Variants in MIB1 observed in about 807,000 individuals in gnomAD.
The protein encoded by MIB1 is MIB E3 ubiquitin protein ligase 1.
In MIB1, 278 loss-of-function variants were observed where a neutral mutation model predicts 124.5. That is an observed-to-expected ratio of 2.23 (90% CI 2.02 to 2.47). The LOEUF (loss-of-function observed/expected upper bound fraction) is 2.47, where lower values mean the gene tolerates loss of function less well. MIB1 is among the 30% of genes most tolerant of loss of function. MIB1 has a pLI of 0.00. For missense variants in MIB1, 957 were observed against 1,254.4 expected, an observed-to-expected ratio of 0.76 and a Z score of 3.58; for synonymous variants, 446 against 429.4, an observed-to-expected ratio of 1.04 and a Z score of -0.48.
intron 13 of MIB1, among the ~76,000 whole-genome samples, chr18:21,842,241 A>T (rs982881487): frequency 6.6e-6 from 1 of 151,626 alleles, no homozygotes; most frequent in East Asian, 1.9e-4. Context: ...AGCTCTGCAT[A>T]CCCCGCCAGT....
chr18:21,804,042 T>TAAAG, intron 10 of MIB1, 28 bp downstream of exon 10: 2 of 1,448,068 alleles, frequency 1.4e-6, no homozygotes, highest in Non-Finnish European at 1.9e-6. Context: ...ATATTTTAAG[T>TAAAG]AAACATTTAT....
chr18:21,709,045 G>T (rs550785703), intron 1 of MIB1, among the ~76,000 whole-genome samples: 1 of 151,934 alleles, frequency 6.6e-6, no homozygotes, highest in South Asian at 2.1e-4. Context: ...GGCCGGGCGC[G>T]GTGGCTCACG....
intron 20 of MIB1, among the ~76,000 whole-genome samples, chr18:21,862,553 C>G (rs2042285234): frequency 6.6e-6 from 1 of 152,134 alleles, no homozygotes; most frequent in Admixed American, 6.5e-5. Flanking sequence ...CTTTTACATT[C>G]TTTCAAGTTC....
At chr18:21,748,730 C>CTTTTTT (rs557338460) in intron 1 of MIB1, among the ~76,000 whole-genome samples, 6 of 107,114 alleles carry the variant, frequency 5.6e-5, no homozygotes, top group Admixed American at 1.0e-4. Flanking sequence ...CATGCCCAGC[C>CTTTTTT]TTTTTTTTTT....
chr18:21,849,183 T>C lies in MIB1; in HGVS notation c.2394-13T>C. ...ATAAGATAGGCTTGATTTGAAATAC[T>C]TTCTTTTATTAGTGGTCAAGTGGGT... is the stretch of plus-strand genomic sequence containing the variant. On this transcript the variant is annotated splice_polypyrimidine_tract_variant and intron_variant, in intron 16 of 20. Coordinates refer to ENST00000261537, the MANE Select transcript of MIB1 (RefSeq NM_020774.4). The C allele has an allele frequency of 6.7e-7, 1 of 1,495,264 alleles. No homozygotes were observed. Among genetic ancestry groups the C allele is most frequent in the East Asian group, 2.4e-5 (1 of 41,860 alleles). 92.6% of individuals were successfully genotyped at this position (1,495,264 alleles called of 1,614,324 possible). A position where few individuals can be genotyped will look rare whatever the true frequency, so the allele number is the denominator to read the frequency against.
intron 1 of MIB1, among the ~76,000 whole-genome samples, chr18:21,764,330 C>T (rs2041132050): frequency 6.6e-6 from 1 of 152,060 alleles, no homozygotes. Flanking sequence ...AGGCATACCA[C>T]TCAGGTTTGG....
At chr18:21,815,203 C>G (rs1368379391) in intron 10 of MIB1, among the ~76,000 whole-genome samples, 1 of 151,344 alleles carries the variant, frequency 6.6e-6, no homozygotes, top group Admixed American at 6.6e-5. Context: ...GGGTCTCACT[C>G]TGTTGCCCCG....
intron 8 of MIB1, among the ~76,000 whole-genome samples, chr18:21,799,242 A>G (rs1053642217): frequency 2.6e-5 from 4 of 152,178 alleles, no homozygotes; most frequent in East Asian, 1.9e-4. Context: ...TTAGAAAAAA[A>G]TATCTTATGA....
At chr18:21,764,874 G>A (rs894049159) in intron 1 of MIB1, among the ~76,000 whole-genome samples, 3 of 152,170 alleles carry the variant, frequency 2.0e-5, no homozygotes, top group African/African-American at 7.2e-5. Context: ...CTTTTGGACA[G>A]ATAATACAGC....
intron 7 of MIB1, among the ~76,000 whole-genome samples, chr18:21,792,667 A>T (rs2041520504): frequency 1.3e-5 from 2 of 152,248 alleles, no homozygotes; most frequent in Admixed American, 6.5e-5. Flanking sequence ...GACACTTCAC[A>T]GTTTGTAGCT....
chr18:21,806,799 A>G (rs1490742774), intron 10 of MIB1, among the ~76,000 whole-genome samples: 1 of 151,292 alleles, frequency 6.6e-6, no homozygotes, highest in Non-Finnish European at 1.5e-5. Context: ...AATTTTTTGT[A>G]TTTTTAGTAG....
chr18:21,857,382 T>A (rs2042238968), intron 19 of MIB1, 139 bp downstream of exon 19: 5 of 620,878 alleles, frequency 8.1e-6, no homozygotes, highest in South Asian at 2.0e-5. Flanking sequence ...CAGGTATTGT[T>A]TTCTGGTGCT....
At chr18:21,732,300 C>T (rs774355489) in intron 1 of MIB1, among the ~76,000 whole-genome samples, 2 of 150,474 alleles carry the variant, frequency 1.3e-5, no homozygotes, top group Non-Finnish European at 3.0e-5. Context: ...TGCACTCTAG[C>T]CTGGGCAACA....
chr18:21,781,905 T>C (rs374489248), intron 6 of MIB1, among the ~76,000 whole-genome samples: 1 of 152,112 alleles, frequency 6.6e-6, no homozygotes, highest in African/African-American at 2.4e-5. Context: ...TGGTTTTATC[T>C]TAGTTGGTCT....
chr18:21,817,757 C>A, intron 11 of MIB1: 1 of 400,960 alleles, frequency 2.5e-6, no homozygotes, highest in South Asian at 1.8e-5. Context: ...GGTGTTTGCA[C>A]TTTCATATTC....
chr18:21,833,764 C>T (rs955505126), intron 12 of MIB1, among the ~76,000 whole-genome samples: 2 of 152,180 alleles, frequency 1.3e-5, no homozygotes, highest in Non-Finnish European at 2.9e-5. Context: ...ATTCAGCAAA[C>T]GTTTGAATAC....
chr18:21,739,036 C>T (rs575865846), upstream of MIB1, among the ~76,000 whole-genome samples: 1 of 151,478 alleles, frequency 6.6e-6, no homozygotes, highest in East Asian at 1.9e-4. Flanking sequence ...ATAGATAGAC[C>T]ACTAGCCAGA....
chr18:21,776,481 A>G (rs922797583), intron 4 of MIB1, among the ~76,000 whole-genome samples: 1 of 152,160 alleles, frequency 6.6e-6, no homozygotes, highest in African/African-American at 2.4e-5. Flanking sequence ...ATCATCTACT[A>G]TATACACCTG....
chr18:21,861,673 C>G (rs1016171201), intron 20 of MIB1, among the ~76,000 whole-genome samples: 3 of 149,836 alleles, frequency 2.0e-5, no homozygotes, highest in African/African-American at 7.4e-5. Flanking sequence ...CAAACAACAA[C>G]CAGAAAACAT....
Sources: allele counts gnomAD v4.1 joint callset (sites outside exome capture counted in the v4.1 genomes callset), GRCh38; gene constraint gnomAD v4.1.1; transcripts MANE v1.5; gene names NCBI Gene and HGNC (gene_info 2026-07-23, HGNC 2026-07-21).